Variants in ASH1L observed in about 807,000 individuals in gnomAD.
ASH1L encodes the protein histone-lysine N-methyltransferase ASH1L.
Under a neutral mutation model 269.0 loss-of-function variants are expected in ASH1L, and 23 were observed. The observed-to-expected ratio is 0.09, with a 90% CI of 0.06 to 0.12. The LOEUF (loss-of-function observed/expected upper bound fraction) is 0.12. ASH1L is among the 10% of genes least tolerant of loss of function. The pLI is 1.00. For missense variants in ASH1L, 2,912 were observed against 3,567.8 expected (o/e 0.82, Z 4.68); for synonymous variants, 1,187 against 1,253.5 (o/e 0.95, Z 1.12).
intron 2 of ASH1L, among the ~76,000 whole-genome samples, chr1:155,497,487 G>A (rs1164953062): frequency 1.3e-5 from 2 of 152,156 alleles, no homozygotes; most frequent in Admixed American, 6.5e-5. Context: ...TCAACTTAAC[G>A]AACAGTGTAA....
At chr1:155,544,450 C>T (rs1235576948) in intron 1 of ASH1L, among the ~76,000 whole-genome samples, 1 of 151,870 alleles carries the variant, frequency 6.6e-6, no homozygotes, top group Admixed American at 6.6e-5. Flanking sequence ...CCACGACCAG[C>T]CAATTTTTTT....
At chr1:155,358,623 G>A (rs1276791783) in intron 13 of ASH1L, 1 of 151,432 alleles carries the variant, frequency 6.6e-6, no homozygotes, top group African/African-American at 2.4e-5. Flanking sequence ...GGGAGGCGGA[G>A]CTTGCAGCAA....
At chr1:155,384,368 G>A (rs1207553484) in intron 7 of ASH1L, among the ~76,000 whole-genome samples, 1 of 152,124 alleles carries the variant, frequency 6.6e-6, no homozygotes, top group Non-Finnish European at 1.5e-5. Flanking sequence ...GAAAAATGCT[G>A]TATCACTTCC....
intron 6 of ASH1L, among the ~76,000 whole-genome samples, chr1:155,413,365 G>T (rs182273587): frequency 6.6e-6 from 1 of 152,222 alleles, no homozygotes; most frequent in African/African-American, 2.4e-5. Flanking sequence ...TAGCACTCTG[G>T]GAGGCAGAGG....
Position 155,370,759 on chromosome 1 carries a change from C to A in ASH1L, c.6539+18G>T, listed in dbSNP as rs1655875765. 1.2e-6 allele frequency: 2 copies of A among 1,613,866 alleles called. No individual in the cohort carries two copies. Among genetic ancestry groups the A allele is most frequent in the Non-Finnish European group, 1.7e-6 (2 of 1,179,896 alleles). On this transcript the variant is annotated intron_variant, in intron 11 of 27. Coordinates refer to ENST00000392403, the MANE Select transcript of ASH1L (RefSeq NM_018489.3). ...ATACCTTGGCATTTTATTAGAGTAT[C>A]ATCATTTACCACCGTACCTGAACTC...
chr1:155,501,464 G>A (rs961447197), intron 2 of ASH1L, among the ~76,000 whole-genome samples: 2 of 152,164 alleles, frequency 1.3e-5, no homozygotes, highest in East Asian at 1.9e-4. Context: ...TCCACCTCCC[G>A]GTTTCAAGTG....
At chr1:155,513,166 G>A (rs1407099614) in intron 2 of ASH1L, among the ~76,000 whole-genome samples, 3 of 152,074 alleles carry the variant, frequency 2.0e-5, no homozygotes, top group Non-Finnish European at 2.9e-5. Context: ...AACTGTTACC[G>A]AGGATGTGGA....
At chr1:155,446,268 T>C (rs1424022317) in intron 4 of ASH1L, among the ~76,000 whole-genome samples, 4 of 151,326 alleles carry the variant, frequency 2.6e-5, no homozygotes. Context: ...CAACTGTAAA[T>C]AGTATTATTT....
Position 155,546,169 on chromosome 1 carries a change from A to AC in ASH1L, c.-100+15983_-100+15984insG, listed in dbSNP as rs1349083355. 2.6e-5 allele frequency among the ~76,000 whole-genome samples: 4 copies of AC among 151,072 alleles called. No individual in the cohort carries two copies. The East Asian group carries it at 7.8e-4, about 29-fold the overall frequency. On this transcript the variant is annotated intron_variant, in intron 1 of 27. Transcript: ENST00000392403. ...CGAGATTCCATCACCAAAAAAAAAAAAAAAAACAAAAATTAGCCAGGTGTG... is the reference window on the plus strand; with the variant it reads ...CGAGATTCCATCACCAAAAAAAAAAACAAAAAACAAAAATTAGCCAGGTGTG...
At chr1:155,502,068 T>C (rs1398889003) in intron 2 of ASH1L, among the ~76,000 whole-genome samples, 1 of 150,118 alleles carries the variant, frequency 6.7e-6, no homozygotes, top group Non-Finnish European at 1.5e-5. Flanking sequence ...TTTCTTTTCT[T>C]TTCTTTTTTT....
chr1:155,431,634 G>A (rs751752655), intron 5 of ASH1L, among the ~76,000 whole-genome samples: 20 of 152,024 alleles, frequency 1.3e-4, no homozygotes, highest in Non-Finnish European at 2.5e-4. Flanking sequence ...GGTGGCCCCC[G>A]CCTGCAGTCC....
intron 26 of ASH1L, 146 bp from the exon 27 acceptor site, chr1:155,338,536 T>C: frequency 1.6e-6 from 1 of 613,030 alleles, no homozygotes. Flanking sequence ...TCGTTTTCAC[T>C]TTATATTATT....
intron 2 of ASH1L, among the ~76,000 whole-genome samples, chr1:155,506,281 T>C (rs1284478371): frequency 6.6e-6 from 1 of 152,244 alleles, no homozygotes; most frequent in Non-Finnish European, 1.5e-5. Flanking sequence ...ATACCAATTT[T>C]TTTCCAACAA....
rs1169311074 is a variant in ASH1L at position 155,357,389 on chromosome 1, G to A, written c.6982C>T (p.Pro2328Ser). The change falls in exon 15 of 28, where the codon CCC becomes TCC. Residue 2328 changes from proline to serine, a missense_variant. Pro to Ser is a moderately conservative substitution (Grantham distance 74, BLOSUM62 -1). Around this residue, in one of 13 missense-constraint regions of ASH1L, gnomAD observed 309 missense variants for 435.1 expected, o/e 0.71. Transcript: ENST00000392403. ...KKRRGHLSEEPSENINTPTRL... is the reference protein window; with the variant it reads ...KKRRGHLSEESSENINTPTRL... Reference sequence around the variant, plus strand: ...GTTGGGGTGTTGATATTTTCACTGGGTTCCTCAGAGAGATGGCCTCTCTGA... The same window carrying A: ...GTTGGGGTGTTGATATTTTCACTGGATTCCTCAGAGAGATGGCCTCTCTGA... The A allele has an allele frequency of 6.2e-7, 1 of 1,613,594 alleles. No homozygotes were observed. The highest frequency in any genetic ancestry group is 2.2e-5 in the East Asian group (1 of 44,852).
chr1:155,436,223 CTT>C (rs1662078845), intron 5 of ASH1L, among the ~76,000 whole-genome samples: 5 of 151,942 alleles, frequency 3.3e-5, no homozygotes, highest in Admixed American at 3.3e-4. Flanking sequence ...AAGTTTCGCT[CTT>C]GTTGCCCAGG....
At chr1:155,388,700 T>A (rs892951788) in intron 7 of ASH1L, among the ~76,000 whole-genome samples, 5 of 144,038 alleles carry the variant, frequency 3.5e-5, no homozygotes, top group African/African-American at 5.1e-5. Flanking sequence ...GGTCTATGTG[T>A]CCTGAATTGC....
intron 5 of ASH1L, among the ~76,000 whole-genome samples, chr1:155,436,491 CTTTT>C (rs60270333): frequency 5.0e-5 from 4 of 80,562 alleles, no homozygotes; most frequent in Non-Finnish European, 7.0e-5. Flanking sequence ...CATGCGTGGA[CTTTT>C]TTTTTTTTTT....
At chr1:155,455,045 T>C (rs1038518203) in intron 4 of ASH1L, among the ~76,000 whole-genome samples, 6 of 152,202 alleles carry the variant, frequency 3.9e-5, no homozygotes, top group African/African-American at 1.2e-4. Context: ...TGAAGGGATT[T>C]ATGTTCTCTA....
chr1:155,350,134 C>T (rs1237123702), intron 17 of ASH1L, among the ~76,000 whole-genome samples: 2 of 152,146 alleles, frequency 1.3e-5, no homozygotes, highest in African/African-American at 4.8e-5. Flanking sequence ...GATCTGCCCG[C>T]CTCAGCCTCC....
Sources: gnomAD v4.1 joint callset for allele counts (sites outside exome capture counted in the v4.1 genomes callset) on GRCh38, gnomAD v4.1.1 for gene constraint, gnomAD v4.1.1 regional missense constraint, MANE v1.5 for transcripts, NCBI Gene and HGNC (gene_info 2026-07-23, HGNC 2026-07-21) for gene names.